Variants in SPECC1 observed in about 807,000 individuals in gnomAD.
SPECC1 encodes the protein cytospin-B.
Under a neutral mutation model 104.1 loss-of-function variants are expected in SPECC1, and 62 were observed. That is an observed-to-expected ratio of 0.60 (90% CI 0.49 to 0.74). The LOEUF (loss-of-function observed/expected upper bound fraction) is 0.74, where lower values mean the gene tolerates loss of function less well. Ranked by LOEUF, SPECC1 falls within the 30% of genes least tolerant of loss-of-function variation. SPECC1 has a pLI of 0.00. For synonymous variants in SPECC1, 513 were observed against 501.6 expected (o/e 1.02, Z -0.30); for missense variants, 1,306 against 1,310.5 (o/e 1.00, Z 0.05).
Position 20,317,259 on chromosome 17 carries a change from ATT to A in SPECC1, c.*3214_*3215del, listed in dbSNP as rs762643888. 107 of 69,646 alleles carry A rather than the reference ATT, an allele frequency of 1.5e-3. No homozygotes were observed. The highest frequency in any genetic ancestry group is 8.5e-3 in the Middle Eastern group (1 of 118). 4.3% of individuals were successfully genotyped at this position (69,646 alleles called of 1,614,324 possible). A position where few individuals can be genotyped will look rare whatever the true frequency, so the allele number is the denominator to read the frequency against. On this transcript the variant is annotated 3_prime_UTR_variant, in exon 15 of 15. Coordinates refer to ENST00000395527, the MANE Select transcript of SPECC1 (RefSeq NM_001243439.2). ...GCAAGACCTCTGACTCTATAAAAAA[ATT>A]TTTTTTTTTTTTTTTTTTTGAGAGA...
intron 7 of SPECC1, chr17:20,238,874 A>G (rs2151510085): frequency 9.6e-7 from 1 of 1,043,890 alleles, no homozygotes; most frequent in South Asian, 4.6e-5. Context: ...TGCAAAATAA[A>G]CATGTTATTA....
intron 3 of SPECC1, among the ~76,000 whole-genome samples, chr17:20,133,895 C>T (rs944129579): frequency 6.6e-6 from 1 of 152,106 alleles, no homozygotes; most frequent in Non-Finnish European, 1.5e-5. Context: ...ACCCTCACAG[C>T]GTTCAGACGC....
At position 20,227,515 on chromosome 17, in the gene SPECC1, G is replaced by A. The variant is rs759604036; in HGVS notation, c.1966G>A (p.Ala656Thr). 7 of 1,613,482 alleles carry A rather than the reference G, an allele frequency of 4.3e-6. No homozygotes were observed. In the Admixed American group the frequency reaches 5.0e-5, roughly 12 times the overall value. The change falls in exon 5 of 15, where the codon GCA becomes ACA. Residue 656 changes from alanine to threonine, a missense_variant. Physicochemically the swap from Ala to Thr is moderately conservative, Grantham distance 58. This residue lies in a region of SPECC1 where 1,177 missense variants were observed against 1,139.9 expected (regional missense o/e 1.03). Transcript: ENST00000395527. ...KLQEKASESD[A>T]EIKDMKETIF... Reference sequence around the variant, plus strand: ...GCAAGAAAAAGCATCAGAGAGTGATGCAGAGATCAAAGACATGAAAGAAAC... The same window carrying A: ...GCAAGAAAAAGCATCAGAGAGTGATACAGAGATCAAAGACATGAAAGAAAC...
At chr17:20,039,183 C>T (rs1440355728) in intron 1 of SPECC1, among the ~76,000 whole-genome samples, 2 of 152,168 alleles carry the variant, frequency 1.3e-5, no homozygotes, top group Non-Finnish European at 2.9e-5. Flanking sequence ...AGGGTAGGGT[C>T]TAAGGATATG....
intron 1 of SPECC1, among the ~76,000 whole-genome samples, chr17:20,070,750 G>A (rs35493088): frequency 0.29 from 43,928 of 151,924 alleles, 6,864 homozygotes; most frequent in Middle Eastern, 0.43. Flanking sequence ...CCTACAAATG[G>A]AATAATGGAA....
At chr17:20,312,910 CT>C (rs1250472101) in intron 14 of SPECC1, among the ~76,000 whole-genome samples, 4 of 152,210 alleles carry the variant, frequency 2.6e-5, no homozygotes, top group African/African-American at 9.6e-5. Context: ...CCTCAGCCAA[CT>C]CTGTTAACCC....
intron 7 of SPECC1, among the ~76,000 whole-genome samples, chr17:20,241,798 T>C (rs1276200677): frequency 1.3e-5 from 2 of 152,204 alleles, no homozygotes; most frequent in African/African-American, 4.8e-5. Context: ...TGTCTTCAAA[T>C]AGAGTGAAAA....
intron 3 of SPECC1, among the ~76,000 whole-genome samples, chr17:20,191,854 C>T (rs565572820): frequency 6.6e-6 from 1 of 152,296 alleles, no homozygotes; most frequent in East Asian, 1.9e-4. Flanking sequence ...AGCAGCTTTT[C>T]ATAGCTCATT....
intron 1 of SPECC1, among the ~76,000 whole-genome samples, chr17:20,066,482 G>T (rs534326371): frequency 6.6e-6 from 1 of 152,254 alleles, no homozygotes; most frequent in East Asian, 1.9e-4. Context: ...TCATCCATCC[G>T]GCTCCTGGAG....
chr17:20,047,251 T>A (rs976089352), intron 1 of SPECC1, among the ~76,000 whole-genome samples: 3 of 152,218 alleles, frequency 2.0e-5, no homozygotes, highest in Non-Finnish European at 4.4e-5. Context: ...TTGGTAAAGA[T>A]GTGTTGGGTC....
intron 1 of SPECC1, among the ~76,000 whole-genome samples, chr17:20,028,490 GA>G (rs547982651): frequency 8.0e-4 from 121 of 151,496 alleles, no homozygotes; most frequent in East Asian, 2.9e-3. Context: ...AAAAAAAAAA[GA>G]AAAAAATAGA....
chr17:20,086,858 G>T (rs2047198871), intron 1 of SPECC1, among the ~76,000 whole-genome samples: 1 of 152,172 alleles, frequency 6.6e-6, no homozygotes, highest in Non-Finnish European at 1.5e-5. Context: ...GGTTTTGCTG[G>T]GTGGGTGGGG....
At chr17:20,193,324 G>A (rs968869089) in intron 3 of SPECC1, among the ~76,000 whole-genome samples, 8 of 152,090 alleles carry the variant, frequency 5.3e-5, no homozygotes, top group African/African-American at 1.9e-4. Context: ...GACTTAGAAT[G>A]CCTTAACTGG....
intron 3 of SPECC1, among the ~76,000 whole-genome samples, chr17:20,186,113 C>T (rs956714746): frequency 1.3e-5 from 2 of 152,194 alleles, no homozygotes; most frequent in African/African-American, 4.8e-5. Context: ...GCTGGGATTG[C>T]AGGCATGAGC....
chr17:20,309,627 T>C (rs1165192133), intron 14 of SPECC1, among the ~76,000 whole-genome samples: 1 of 152,022 alleles, frequency 6.6e-6, no homozygotes, highest in Admixed American at 6.6e-5. Flanking sequence ...TTGAGCTCCA[T>C]TTATAAGTGA....
At chr17:20,311,239 C>T (rs919853882) in intron 14 of SPECC1, among the ~76,000 whole-genome samples, 1 of 151,920 alleles carries the variant, frequency 6.6e-6, no homozygotes, top group African/African-American at 2.4e-5. Context: ...GCTAAACCTG[C>T]ATGTAAATGC....
intron 1 of SPECC1, among the ~76,000 whole-genome samples, chr17:20,045,863 A>G (rs1292760907): frequency 6.6e-6 from 1 of 152,112 alleles, no homozygotes; most frequent in Non-Finnish European, 1.5e-5. Flanking sequence ...AGGTGATGCA[A>G]AATAACTCCT....
chr17:20,017,306 C>G (rs982059025), intron 1 of SPECC1: 1 of 152,392 alleles, frequency 6.6e-6, no homozygotes, highest in Non-Finnish European at 1.5e-5. Flanking sequence ...AGCGAGACCA[C>G]GAACTCACCA....
intron 1 of SPECC1, among the ~76,000 whole-genome samples, chr17:20,022,997 C>T (rs963861414): frequency 1.5e-4 from 23 of 152,246 alleles, no homozygotes; most frequent in African/African-American, 4.8e-4. Flanking sequence ...TTTTCTGGAT[C>T]GGCTCATTCC....
Sources: gnomAD v4.1 joint callset for allele counts (sites outside exome capture counted in the v4.1 genomes callset) on GRCh38, gnomAD v4.1.1 for gene constraint, gnomAD v4.1.1 regional missense constraint, MANE v1.5 for transcripts, NCBI Gene and HGNC (gene_info 2026-07-23, HGNC 2026-07-21) for gene names.